The following GLYR1 variants were observed in gnomAD, a reference collection of about 807,000 sequenced individuals.
GLYR1 encodes the protein glyoxylate reductase 1 homolog.
Under a neutral mutation model 72.7 loss-of-function variants are expected in GLYR1, and 21 were observed. The ratio of observed to expected loss-of-function variants is 0.29; its 90% CI spans 0.20 to 0.42. The LOEUF (loss-of-function observed/expected upper bound fraction) is 0.42, where lower values mean the gene tolerates loss of function less well. GLYR1 is among the 10% of genes least tolerant of loss of function. GLYR1 has a pLI of 1.00. For missense variants in GLYR1, 594 were observed against 712.1 expected (o/e 0.83, Z 1.89); for synonymous variants, 392 against 270.2 (o/e 1.45, Z -4.42).
At chr16:4,817,874 C>G (rs2083749587) in intron 9 of GLYR1, 177 bp from the exon 10 acceptor site, 1 of 595,530 alleles carries the variant, frequency 1.7e-6, no homozygotes. Flanking sequence ...CATGGGTCTT[C>G]TCTTATGCCA....
At chr16:4,821,654 A>AT (rs2084034033) in intron 7 of GLYR1, 57 bp from the exon 8 acceptor site, 2 of 1,508,490 alleles carry the variant, frequency 1.3e-6, no homozygotes, top group South Asian at 2.2e-5. Context: ...ACCAGTCTTC[A>AT]TAATAATCCC....
At chr16:4,821,812 G>A (rs377117922) in intron 7 of GLYR1, 2 of 615,886 alleles carry the variant, frequency 3.2e-6, no homozygotes, top group Non-Finnish European at 5.7e-6. Flanking sequence ...TGACCATGGT[G>A]TTGAGAATAA....
intron 5 of GLYR1, among the ~76,000 whole-genome samples, chr16:4,828,436 C>G (rs2142005166): frequency 6.6e-6 from 1 of 152,208 alleles, no homozygotes; most frequent in East Asian, 1.9e-4. Context: ...ATAAACCTAA[C>G]TTTAACATGC....
rs1337628904 is a variant in GLYR1 at position 4,804,728 on chromosome 16, G to A, written c.*508C>T. 5.7e-6 allele frequency: 1 copy of A among 175,194 alleles called. No individual in the cohort carries two copies. Among genetic ancestry groups the A allele is most frequent in the African/African-American group, 2.4e-5 (1 of 42,444 alleles). 10.9% of individuals were successfully genotyped at this position (175,194 alleles called of 1,614,324 possible). A position where few individuals can be genotyped will look rare whatever the true frequency, so the allele number is the denominator to read the frequency against. On this transcript the variant is annotated 3_prime_UTR_variant, in exon 16 of 16. Coordinates refer to ENST00000321919, the MANE Select transcript of GLYR1 (RefSeq NM_032569.4). ...TCTGGAGTCTGTACTGGCTCATCTGGGCCCAAGGCCTCTCCTTGTAGGGAA... is the reference window on the plus strand; with the variant it reads ...TCTGGAGTCTGTACTGGCTCATCTGAGCCCAAGGCCTCTCCTTGTAGGGAA...
At chr16:4,832,315 T>C in intron 4 of GLYR1, 94 bp from the exon 5 acceptor site, 2 of 1,421,642 alleles carry the variant, frequency 1.4e-6, no homozygotes, top group Middle Eastern at 1.8e-4. Flanking sequence ...CTACAGGCAC[T>C]CTGTGTGGTC....
In GLYR1 at chr16:4,845,059, G is replaced by C; in HGVS notation, c.155+15C>G. ...AAAGAAAGGCGAAGGGAGACTCCTGGTGAGTACTACTCACTGATCTTCTGT... is the reference window on the plus strand; with the variant it reads ...AAAGAAAGGCGAAGGGAGACTCCTGCTGAGTACTACTCACTGATCTTCTGT... On this transcript the variant is annotated intron_variant, in intron 3 of 15. Transcript: ENST00000321919. The C allele has an allele frequency of 6.3e-7, 1 of 1,579,944 alleles. No individual in the cohort carries two copies. The highest frequency in any genetic ancestry group is 8.7e-7 in the Non-Finnish European group (1 of 1,149,168).
chr16:4,810,029 G>C (rs756241215), intron 15 of GLYR1, among the ~76,000 whole-genome samples: 3 of 152,022 alleles, frequency 2.0e-5, no homozygotes, highest in Non-Finnish European at 4.4e-5. Context: ...ATAATCATTA[G>C]ATATCTAGGA....
chr16:4,828,423 A>C (rs1233424445), intron 5 of GLYR1, among the ~76,000 whole-genome samples: 1 of 152,140 alleles, frequency 6.6e-6, no homozygotes, highest in Non-Finnish European at 1.5e-5. Flanking sequence ...AATAGACTAC[A>C]GTATAAACCT....
chr16:4,825,135 G>T (rs560068179), intron 5 of GLYR1, among the ~76,000 whole-genome samples: 1 of 152,256 alleles, frequency 6.6e-6, no homozygotes, highest in South Asian at 2.1e-4. Flanking sequence ...GCCAGAGTCA[G>T]CTACCAAAAG....
intron 9 of GLYR1, among the ~76,000 whole-genome samples, chr16:4,820,871 G>T (rs894862707): frequency 6.6e-6 from 1 of 152,210 alleles, no homozygotes; most frequent in African/African-American, 2.4e-5. Flanking sequence ...CAGGGTGCAG[G>T]ACAGCCAGCA....
intron 3 of GLYR1, among the ~76,000 whole-genome samples, chr16:4,844,113 C>T (rs77070028): frequency 7.2e-5 from 5 of 69,212 alleles, no homozygotes; most frequent in Admixed American, 1.7e-4. Context: ...AACTCCATCT[C>T]AAAAAAAAAA....
rs139510553 is a variant in GLYR1, at chr16:4,814,581, C to T, written c.973G>A (p.Asp325Asn). ...RTPAEVVSTC[D>N]ITFACVSDPK... ...TCCGACACGCAGGCGAAAGTGATGT[C>T]GCAGGTTGAGACGACTTCAGCGGGG... The change falls in exon 11 of 16, where the codon GAC becomes AAC. Residue 325 changes from aspartate (D) to asparagine (N), a missense_variant. This residue lies in a region of GLYR1 where 266 missense variants were observed against 358.4 expected (regional missense o/e 0.74). Transcript: ENST00000321919. The T allele has an allele frequency of 3.7e-6, 6 of 1,613,988 alleles. No homozygotes were observed. The African/African-American group carries it at 4.0e-5, about 11-fold the overall frequency.
At position 4,811,041 on chromosome 16, in the gene GLYR1, G is replaced by A. The variant is rs138092674; in HGVS notation, c.1587+129C>T. ...AATTGCTTGAAACCAGGAGGCGGAG[G>A]TTGCATTGAGCTGAGATCGCACCAG... On this transcript the variant is annotated intron_variant, in intron 15 of 15. Coordinates refer to ENST00000321919, the MANE Select transcript of GLYR1 (RefSeq NM_032569.4). 2,449 of 1,153,014 alleles carry A rather than the reference G, an allele frequency of 2.1e-3. 114 individuals are homozygous for A. In the Admixed American group the frequency reaches 0.065, roughly 31 times the overall value. The allele number at this position is 1,153,014 out of a possible 1,614,324, so 71.4% of individuals were successfully genotyped here. A position where few individuals can be genotyped will look rare whatever the true frequency, so the allele number is the denominator to read the frequency against.
chr16:4,832,970 C>G, intron 3 of GLYR1, 58 bp from the exon 4 acceptor site: 1 of 1,482,458 alleles, frequency 6.7e-7, no homozygotes, highest in Middle Eastern at 1.8e-4. Flanking sequence ...CCTAAAGTAT[C>G]AACAACCTCA....
intron 2 of GLYR1, 92 bp from the exon 3 acceptor site, chr16:4,845,245 AG>A: frequency 1.2e-6 from 1 of 807,140 alleles, no homozygotes. Flanking sequence ...TACGTTGCTA[AG>A]AAAAAAGTAA....
intron 10 of GLYR1, 118 bp from the exon 11 acceptor site, chr16:4,814,765 C>T: frequency 5.1e-6 from 4 of 786,730 alleles, no homozygotes; most frequent in South Asian, 1.6e-5. Context: ...AGGCTGAGGC[C>T]GGGAGCCTGG....
At chr16:4,816,279 G>C (rs577227728) in intron 10 of GLYR1, among the ~76,000 whole-genome samples, 23 of 152,194 alleles carry the variant, frequency 1.5e-4, no homozygotes, top group South Asian at 8.3e-4. Context: ...AAGTAGCTGG[G>C]ACTATAGTAG....
intron 3 of GLYR1, chr16:4,840,101 C>G (rs937462240): frequency 1.3e-5 from 2 of 152,328 alleles, no homozygotes; most frequent in African/African-American, 4.8e-5. Flanking sequence ...TAGTTCTCAT[C>G]CCTAAAAAAT....
At chr16:4,820,831 C>G (rs2083966614) in intron 9 of GLYR1, among the ~76,000 whole-genome samples, 1 of 152,218 alleles carries the variant, frequency 6.6e-6, no homozygotes, top group Admixed American at 6.5e-5. Context: ...GGTCTGGGAG[C>G]ATGTCCAGGA....
Sources: allele counts gnomAD v4.1 joint callset (sites outside exome capture counted in the v4.1 genomes callset), GRCh38; gene constraint gnomAD v4.1.1; regional missense constraint gnomAD v4.1.1; transcripts MANE v1.5; gene names NCBI Gene and HGNC (gene_info 2026-07-23, HGNC 2026-07-21).